The following MYO18B variants were observed in gnomAD, a reference collection of about 807,000 sequenced individuals.
MYO18B encodes unconventional myosin-XVIIIb.
In MYO18B, 204 loss-of-function variants were observed where a neutral mutation model predicts 273.0. The ratio of observed to expected loss-of-function variants is 0.75; its 90% confidence interval spans 0.67 to 0.84. The LOEUF is 0.84. Ranked by LOEUF, MYO18B falls within the 40% of genes least tolerant of loss-of-function variation. The probability of loss-of-function intolerance (pLI) is 0.00; values close to 1 mark genes in which losing one functional copy is unlikely to be tolerated. For synonymous variants in MYO18B, 1,330 were observed against 1,305.7 expected, an observed-to-expected ratio of 1.02 and a Z score of -0.40; for missense variants, 3,212 against 3,287.6, an observed-to-expected ratio of 0.98 and a Z score of 0.56.
At chr22:26,036,646 G>A in the MYO18B span, among the ~76,000 whole-genome samples, 4 of 152,098 alleles carry the variant, frequency 2.6e-5, no homozygotes, top group Non-Finnish European at 5.9e-5. Context: ...AGAGTCTAAA[G>A]TTTATGGTCT....
chr22:25,752,369 A>C (rs2085956294), intron 1 of MYO18B, among the ~76,000 whole-genome samples: 1 of 150,698 alleles, frequency 6.6e-6, no homozygotes, highest in Non-Finnish European at 1.5e-5. Flanking sequence ...TTGTATTTTT[A>C]GTAGAGACGG....
intron 12 of MYO18B, among the ~76,000 whole-genome samples, chr22:25,799,337 C>G (rs1283853904): frequency 1.3e-5 from 2 of 152,148 alleles, no homozygotes; most frequent in African/African-American, 4.8e-5. Context: ...GCTTGGCATT[C>G]AAAGCTCCTC....
chr22:25,922,897 A>G (rs1339226024), intron 34 of MYO18B, among the ~76,000 whole-genome samples: 3 of 152,204 alleles, frequency 2.0e-5, no homozygotes, highest in African/African-American at 2.4e-5. Flanking sequence ...CAACCAAAAC[A>G]AAACAAAACA....
chr22:25,777,159 C>G (rs370396563), intron 7 of MYO18B, among the ~76,000 whole-genome samples: 13 of 152,202 alleles, frequency 8.5e-5, no homozygotes, highest in African/African-American at 2.7e-4. Context: ...ATATATAGCA[C>G]ACATACCACT....
intron 25 of MYO18B, among the ~76,000 whole-genome samples, chr22:25,885,633 G>A (rs888732617): frequency 1.3e-5 from 2 of 152,172 alleles, no homozygotes; most frequent in Non-Finnish European, 2.9e-5. Flanking sequence ...TGGATCGCAG[G>A]GGGTCAGGAG....
At chr22:25,948,990 T>A (rs2092760995) in intron 36 of MYO18B, among the ~76,000 whole-genome samples, 1 of 151,874 alleles carries the variant, frequency 6.6e-6, no homozygotes, top group Non-Finnish European at 1.5e-5. Context: ...CCTGTGATGG[T>A]GCATTGGAGA....
rs777316181 is a variant in MYO18B at position 25,781,777 on chromosome 22, G to A, written c.2255G>A (p.Gly752Glu). The change falls in exon 10 of 44, where the codon GGG (glycine) becomes GAG (glutamate). Residue 752 changes from glycine to glutamate, a missense_variant. Gly to Glu is a moderately conservative substitution (Grantham distance 98, BLOSUM62 -2). Transcript: ENST00000335473. ...AGCCGCGTGGCACGGCAGCCGGAAGGGGAAAGTAACTTCCTGGTTTTCTCC... is the reference window on the plus strand; with the variant it reads ...AGCCGCGTGGCACGGCAGCCGGAAGAGGAAAGTAACTTCCTGGTTTTCTCC... The part of the protein sequence containing the change: ...EKSRVARQPE[G>E]ESNFLVFSQM... 3.8e-6 allele frequency: 6 copies of A among 1,595,232 alleles called. No individual in the cohort carries two copies. Among genetic ancestry groups the A allele is most frequent in the South Asian group, 1.1e-5 (1 of 87,050 alleles).
At chr22:25,743,809 G>A (rs758374743) in intron 1 of MYO18B, among the ~76,000 whole-genome samples, 2 of 152,174 alleles carry the variant, frequency 1.3e-5, no homozygotes, top group African/African-American at 2.4e-5. Context: ...TGAGGGGGTT[G>A]GGCTAGACCA....
Position 25,952,405 on chromosome 22 carries a change from G to A in MYO18B, c.5952G>A (p.Val1984=), listed in dbSNP as rs776035865. The A allele has an allele frequency of 6.2e-6, 10 of 1,613,096 alleles. No individual in the cohort carries two copies. Among genetic ancestry groups the A allele is most frequent in the African/African-American group, 1.3e-5 (1 of 74,922 alleles). ...DLENKTEFQK[V]QIKRFEVLVI... ...AGAACAAGACAGAGTTCCAGAAGGT[G>A]CAGATTAAGAGATTTGAGGTACGTA... Residue 1984 remains valine (V), a synonymous_variant, in exon 38 of 44, where the codon GTG becomes GTA. Transcript: ENST00000335473.
chr22:26,026,406 G>A (rs1936241812), intron 42 of MYO18B, 39 bp from the exon 43 acceptor site: 1 of 1,565,020 alleles, frequency 6.4e-7, no homozygotes, highest in Non-Finnish European at 8.6e-7. Context: ...TGTATGAATT[G>A]CACAATTTCT....
At chr22:26,030,146 G>A (rs1292745852) in intron 43 of MYO18B, among the ~76,000 whole-genome samples, 5 of 152,232 alleles carry the variant, frequency 3.3e-5, no homozygotes, top group South Asian at 4.2e-4. Flanking sequence ...TGAGGCAGGA[G>A]GATCACTTGA....
At chr22:25,938,611 G>A (rs920087440) in intron 34 of MYO18B, among the ~76,000 whole-genome samples, 3 of 152,188 alleles carry the variant, frequency 2.0e-5, no homozygotes, top group Non-Finnish European at 2.9e-5. Flanking sequence ...AAGTGGCCAC[G>A]CAGTGCGTAA....
At position 25,770,148 on chromosome 22, in the gene MYO18B, G is replaced by A. The variant is rs2086666403; in HGVS notation, c.1551G>A (p.Trp517Ter). Residue 517 changes from tryptophan to a stop codon, truncating the protein, a stop_gained, in exon 5 of 44, where the codon TGG becomes TGA. Coordinates refer to ENST00000335473, the MANE Select transcript of MYO18B (RefSeq NM_032608.7). LOFTEE classifies it high-confidence loss of function. ...GATGGTATGAGGCAGAGAAAGTCTG[G>A]CTGGCTCAGAAGGATGGATTTACTC... is the stretch of plus-strand genomic sequence containing the variant. ...EDRWYEAEKV[W>*]LAQKDGFTLA... 1 of 1,613,938 alleles carries A rather than the reference G, an allele frequency of 6.2e-7. No individual in the cohort carries two copies. The highest frequency in any genetic ancestry group is 1.7e-5 in the Admixed American group (1 of 60,014).
chr22:25,845,447 G>T (rs557590797), intron 18 of MYO18B, among the ~76,000 whole-genome samples: 5 of 152,310 alleles, frequency 3.3e-5, no homozygotes, highest in African/African-American at 1.2e-4. Context: ...AACCCGGGAG[G>T]CGGAGGTTGC....
At chr22:25,961,737 G>C (rs775145008) in intron 39 of MYO18B, among the ~76,000 whole-genome samples, 6 of 152,296 alleles carry the variant, frequency 3.9e-5, no homozygotes, top group Non-Finnish European at 8.8e-5. Flanking sequence ...CGGCCTGCCA[G>C]ATGCACCTGT....
At chr22:25,746,754 T>G (rs1300418399) in intron 1 of MYO18B, among the ~76,000 whole-genome samples, 2 of 152,210 alleles carry the variant, frequency 1.3e-5, no homozygotes. Flanking sequence ...TCATCTAAAT[T>G]TAACAAGCCA....
chr22:25,986,239 G>A (rs1167030917), intron 39 of MYO18B, among the ~76,000 whole-genome samples: 1 of 152,216 alleles, frequency 6.6e-6, no homozygotes, highest in African/African-American at 2.4e-5. Flanking sequence ...ACAGGACAAA[G>A]TGATGAAGAT....
chr22:26,055,151 T>C, the MYO18B span, among the ~76,000 whole-genome samples: 1 of 152,140 alleles, frequency 6.6e-6, no homozygotes, highest in African/African-American at 2.4e-5. Flanking sequence ...GAGGTAAGCA[T>C]TGTATAGAGC....
intron 15 of MYO18B, among the ~76,000 whole-genome samples, chr22:25,832,709 G>T (rs949952980): frequency 1.3e-5 from 2 of 152,166 alleles, no homozygotes. Context: ...ACAACAACAT[G>T]AATGTACCTT....
Sources: allele counts gnomAD v4.1 joint callset (sites outside exome capture counted in the v4.1 genomes callset), GRCh38; gene constraint gnomAD v4.1.1; transcripts MANE v1.5; gene names NCBI Gene and HGNC (gene_info 2026-07-23, HGNC 2026-07-21).